The following GAD2 variants were observed in gnomAD, a reference collection of about 807,000 sequenced individuals.
The protein encoded by GAD2 is glutamate decarboxylase 2, also known as 65 kDa glutamic acid decarboxylase.
In GAD2, 22 loss-of-function variants were observed where a neutral mutation model predicts 80.1. The ratio of observed to expected loss-of-function variants is 0.27; its 90% CI spans 0.20 to 0.39. GAD2 has a LOEUF of 0.39. Among genes scored for constraint, GAD2 ranks in the 10% least tolerant of loss-of-function variants. The pLI is 1.00. For synonymous variants in GAD2, 274 were observed against 256.9 expected (o/e 1.07, Z -0.64); for missense variants, 624 against 738.4 (o/e 0.85, Z 1.80).
chr10:26,261,833 A>C (rs2132299147), intron 8 of GAD2, among the ~76,000 whole-genome samples: 1 of 152,156 alleles, frequency 6.6e-6, no homozygotes, highest in African/African-American at 2.4e-5. Flanking sequence ...TGTCTTTCAT[A>C]AAATGCCTTT....
At chr10:26,219,306 T>C in intron 4 of GAD2, 30 bp downstream of exon 4, 1 of 1,319,326 alleles carries the variant, frequency 7.6e-7, no homozygotes, top group Non-Finnish European at 1.1e-6. Flanking sequence ...AATAAAGCTC[T>C]TTTTTCGTTT....
At chr10:26,227,166 T>C (rs972201908) in intron 6 of GAD2, among the ~76,000 whole-genome samples, 3 of 152,224 alleles carry the variant, frequency 2.0e-5, no homozygotes, top group Admixed American at 6.5e-5. Context: ...CCAATTTTTG[T>C]ATGTTTAGTA....
At position 26,273,808 on chromosome 10, in the gene GAD2, T is replaced by TGA. The variant is rs1845166711; in HGVS notation, c.1157+108_1157+109insGA. The TGA allele has an allele frequency of 8.2e-6, 7 of 851,082 alleles. No individual in the cohort carries two copies. The Admixed American group carries it at 1.6e-4, about 19-fold the overall frequency. The allele number at this position is 851,082 out of a possible 1,614,324, so 52.7% of individuals were successfully genotyped here. A position where few individuals can be genotyped will look rare whatever the true frequency, so the allele number is the denominator to read the frequency against. ...TTTGGAATACTGAGTGAACTCACTC[T>TGA]ATTCAGTGCTTGTGTTCCTTGCCTT... is the stretch of plus-strand genomic sequence containing the variant. On this transcript the variant is annotated intron_variant, in intron 11 of 15. Transcript: ENST00000376261.
intron 7 of GAD2, among the ~76,000 whole-genome samples, chr10:26,243,243 A>G (rs931789808): frequency 6.6e-6 from 1 of 152,092 alleles, no homozygotes; most frequent in Non-Finnish European, 1.5e-5. Context: ...GGTCTCCTTG[A>G]TTGGTCATCA....
At chr10:26,264,863 C>T (rs760076674) in intron 8 of GAD2, among the ~76,000 whole-genome samples, 1 of 152,156 alleles carries the variant, frequency 6.6e-6, no homozygotes, top group Admixed American at 6.5e-5. Context: ...TAGAGCTAAG[C>T]CCTACTCACT....
chr10:26,262,225 G>A (rs1845017458), intron 8 of GAD2, among the ~76,000 whole-genome samples: 1 of 149,860 alleles, frequency 6.7e-6, no homozygotes. Context: ...TGAGGTGGGG[G>A]CAGATTTTTG....
In GAD2 at chr10:26,217,562, G is replaced by A. The variant is rs1844391664; in HGVS notation, c.77-48G>A. The A allele has an allele frequency of 1.3e-6, 2 of 1,568,214 alleles. No homozygotes were observed. The highest frequency in any genetic ancestry group is 1.7e-6 in the Non-Finnish European group (2 of 1,149,802). On this transcript the variant is annotated intron_variant, in intron 1 of 15. Coordinates refer to ENST00000376261, the MANE Select transcript of GAD2 (RefSeq NM_001134366.2). This position sits in a 1 kb window ranked among gnomAD's most constrained non-coding sequence, Gnocchi z 4.9. ...AGAACGAAATTTCACACGTCCGTCT[G>A]TTGTTCTCTTTCTGCCTCGCTGTCT...
At chr10:26,299,518 A>C (rs986033632) in intron 15 of GAD2, among the ~76,000 whole-genome samples, 1 of 152,212 alleles carries the variant, frequency 6.6e-6, no homozygotes, top group African/African-American at 2.4e-5. Context: ...ACATGATTTA[A>C]GTTTTTGCTT....
At position 26,300,935 on chromosome 10, in the gene GAD2, A is replaced by C; in HGVS notation, c.1732A>C (p.Ile578Leu). 1 of 1,613,992 alleles carries C rather than the reference A, an allele frequency of 6.2e-7. No individual in the cohort carries two copies. The highest frequency in any genetic ancestry group is 8.5e-7 in the Non-Finnish European group (1 of 1,179,866). Reference sequence around the variant, plus strand: ...AGACATTGACTTCCTGATTGAAGAAATAGAACGCCTTGGACAAGATTTATA... The same window carrying C: ...AGACATTGACTTCCTGATTGAAGAACTAGAACGCCTTGGACAAGATTTATA... ...HQDIDFLIEE[I>L]ERLGQDL The change falls in exon 16 of 16, where the codon ATA becomes CTA. Residue 578 changes from isoleucine (I) to leucine (L), a missense_variant. By Grantham distance (5) the Ile-to-Leu change is conservative (BLOSUM62 2). Transcript: ENST00000376261.
intron 8 of GAD2, among the ~76,000 whole-genome samples, chr10:26,257,885 C>T (rs1485616713): frequency 6.6e-6 from 1 of 152,146 alleles, no homozygotes; most frequent in Non-Finnish European, 1.5e-5. Flanking sequence ...TTAACTCTTT[C>T]GGGTCCTTGG....
In GAD2 at chr10:26,219,213, C is replaced by G. The variant is rs1844423348; in HGVS notation, c.457C>G (p.Pro153Ala). The part of the protein sequence containing the change: ...QEYNWELADQ[P>A]QNLEEILMHC... Reference sequence around the variant, plus strand: ...ATATAATTGGGAATTGGCAGACCAACCACAAAATTTGGAGGAAATTTTGAT... The same window carrying G: ...ATATAATTGGGAATTGGCAGACCAAGCACAAAATTTGGAGGAAATTTTGAT... The change falls in exon 4 of 16, where the codon CCA (proline) becomes GCA (alanine). Residue 153 changes from proline to alanine, a missense_variant. Physicochemically the swap from Pro to Ala is conservative, Grantham distance 27. Transcript: ENST00000376261. 1.2e-6 allele frequency: 2 copies of G among 1,613,608 alleles called. No individual in the cohort carries two copies. Among genetic ancestry groups the G allele is most frequent in the African/African-American group, 1.3e-5 (1 of 74,884 alleles).
chr10:26,263,927 GT>G (rs143133181), intron 8 of GAD2, among the ~76,000 whole-genome samples: 3 of 152,236 alleles, frequency 2.0e-5, no homozygotes, highest in Non-Finnish European at 2.9e-5. Context: ...AACCTGAAAA[GT>G]TTTTTTGTTA....
chr10:26,242,301 A>G lies in GAD2; in HGVS notation c.841-3620A>G, dbSNP rs8190654. ...GCGCCCGGCCACTGGTTCAATTTTT[A>G]TATTTGTTTCCAGAGAACCCTCTAG... On this transcript the variant is annotated intron_variant, in intron 7 of 15. Coordinates refer to ENST00000376261, the MANE Select transcript of GAD2 (RefSeq NM_001134366.2). 3.8e-3 allele frequency among the ~76,000 whole-genome samples: 574 copies of G among 152,134 alleles called. 5 individuals are homozygous for G. The highest frequency in any genetic ancestry group is 0.013 in the African/African-American group (552 of 41,522).
chr10:26,295,810 G>A (rs1834268261), intron 15 of GAD2, among the ~76,000 whole-genome samples: 1 of 152,082 alleles, frequency 6.6e-6, no homozygotes, highest in Non-Finnish European at 1.5e-5. Context: ...AAAATTTGGG[G>A]AAATGCAGAG....
intron 8 of GAD2, among the ~76,000 whole-genome samples, chr10:26,248,473 G>A (rs760063125): frequency 7.2e-5 from 11 of 152,288 alleles, no homozygotes; most frequent in Non-Finnish European, 1.5e-4. Flanking sequence ...CATTTGGTGG[G>A]AGTCCTGGAG....
At position 26,216,900 on chromosome 10, in the gene GAD2, G is replaced by C. The variant is rs756608853; in HGVS notation, c.76+15G>C. Reference sequence around the variant, plus strand: ...TCCCGGCACAGGTAGGAAGGAGAACGGGGGCCTGCGGCGGGCGAGTTTTGC... The same window carrying C: ...TCCCGGCACAGGTAGGAAGGAGAACCGGGGCCTGCGGCGGGCGAGTTTTGC... On this transcript the variant is annotated intron_variant, in intron 1 of 15. Transcript: ENST00000376261. This position sits in a 1 kb window ranked among gnomAD's most constrained non-coding sequence, Gnocchi z 4.7. 3.1e-6 allele frequency: 5 copies of C among 1,600,512 alleles called. No individual in the cohort carries two copies. The highest frequency in any genetic ancestry group is 3.4e-5 in the Admixed American group (2 of 59,104).
chr10:26,224,521 G>T lies in GAD2; in HGVS notation c.612-18G>T. 7.0e-7 allele frequency: 1 copy of T among 1,423,788 alleles called. No individual in the cohort carries two copies. The highest frequency in any genetic ancestry group is 1.1e-5 in the South Asian group (1 of 87,202). 88.2% of individuals were successfully genotyped at this position (1,423,788 alleles called of 1,614,324 possible). On this transcript the variant is annotated intron_variant, in intron 5 of 15. Coordinates refer to ENST00000376261, the MANE Select transcript of GAD2 (RefSeq NM_001134366.2). ...ATCTGAGTTACAGAGGTAAAATGTG[G>T]CCATTACTACATTTCAGGTTCACCT... is the stretch of plus-strand genomic sequence containing the variant.
At chr10:26,278,316 A>G (rs547375824) in intron 11 of GAD2, among the ~76,000 whole-genome samples, 100 of 152,376 alleles carry the variant, frequency 6.6e-4, no homozygotes, top group Admixed American at 3.1e-3. Flanking sequence ...ACGTGCATGC[A>G]CGGTGTCACC....
intron 13 of GAD2, among the ~76,000 whole-genome samples, chr10:26,289,106 C>A (rs1225615654): frequency 1.3e-5 from 2 of 151,904 alleles, no homozygotes; most frequent in Admixed American, 6.6e-5. Flanking sequence ...AAATGATAAT[C>A]ATTATTAAAG....
Sources: allele counts gnomAD v4.1 joint callset (sites outside exome capture counted in the v4.1 genomes callset), GRCh38; gene constraint gnomAD v4.1.1; non-coding constraint Gnocchi (gnomAD v3.1); transcripts MANE v1.5; gene names NCBI Gene and HGNC (gene_info 2026-07-23, HGNC 2026-07-21).